AP1S2: variants seen among roughly 807,000 people sequenced by gnomAD.
The protein encoded by AP1S2 is AP-1 complex subunit sigma-2.
AP1S2 carries 1 observed loss-of-function variant against 14.3 expected under a neutral mutation model. The ratio of observed to expected loss-of-function variants is 0.07; its 90% confidence interval spans 0.02 to 0.33. The LOEUF (loss-of-function observed/expected upper bound fraction) is 0.33, where lower values mean the gene tolerates loss of function less well. Ranked by LOEUF, AP1S2 falls within the 10% of genes least tolerant of loss-of-function variation. The pLI is 0.99. For synonymous variants in AP1S2, 30 were observed against 40.5 expected (o/e 0.74, Z 0.99); for missense variants, 30 against 117.7 (o/e 0.25, Z 3.45).
At chrX:15,833,184 T>C in intron 4 of AP1S2, 1 of 754,224 alleles carries the variant, frequency 1.3e-6, no homozygotes, top group Non-Finnish European at 1.6e-6. Context: ...AAACCAACCA[T>C]CGAGAGCTTA....
intron 4 of AP1S2, among the ~76,000 whole-genome samples, chrX:15,842,026 T>A (rs188221731): frequency 3.9e-4 from 44 of 111,483 alleles, no homozygotes; most frequent in Non-Finnish European, 6.2e-4. Context: ...ACCTCTAACC[T>A]TTCACAGGGT....
At chrX:15,852,655 C>A in intron 1 of AP1S2, 131 bp from the exon 2 acceptor site, 1 of 686,617 alleles carries the variant, frequency 1.5e-6, no homozygotes. Flanking sequence ...ATCAATATTT[C>A]TATGCCAATT....
intron 4 of AP1S2, among the ~76,000 whole-genome samples, chrX:15,836,619 G>A (rs1012142575): frequency 2.7e-5 from 3 of 112,378 alleles, no homozygotes; most frequent in African/African-American, 9.7e-5. Flanking sequence ...AGTGGCTCAC[G>A]CCTGTAATCC....
At chrX:15,852,723 C>T (rs1934215878) in intron 1 of AP1S2, 199 bp from the exon 2 acceptor site, 1 of 354,091 alleles carries the variant, frequency 2.8e-6, no homozygotes, top group Admixed American at 9.1e-5. Context: ...CTTCCAATCC[C>T]ACCTTGTTCC....
At position 15,852,428 on chromosome X, in the gene AP1S2, C is replaced by G; in HGVS notation, c.97G>C (p.Glu33Gln). Residue 33 changes from glutamate (E) to glutamine (Q), a missense_variant, in exon 2 of 6, where the codon GAA becomes CAA. By Grantham distance (29) the Glu-to-Gln change is conservative. Coordinates refer to ENST00000672987, the MANE Select transcript of AP1S2 (RefSeq NM_001272071.2). ...CGTGCTAAAACGGTCTGAACAAGTT[C>G]TCTTGTGATCTTTTTCTTCTCTTTG... The part of the protein sequence containing the change: ...SDKEKKKITR[E>Q]LVQTVLARKP... 8.3e-7 allele frequency: 1 copy of G among 1,210,863 alleles called. No individual in the cohort carries two copies. Among genetic ancestry groups the G allele is most frequent in the Non-Finnish European group, 1.1e-6 (1 of 894,618 alleles).
At chrX:15,853,903 C>G (rs1934249712) in intron 1 of AP1S2, among the ~76,000 whole-genome samples, 1 of 111,060 alleles carries the variant, frequency 9.0e-6, no homozygotes, top group African/African-American at 3.3e-5. Flanking sequence ...TTACTGCAAA[C>G]CCGTTACCAG....
intron 4 of AP1S2, chrX:15,832,646 A>G (rs1933470806): frequency 3.8e-6 from 3 of 779,579 alleles, no homozygotes; most frequent in Non-Finnish European, 3.1e-6. Flanking sequence ...ATTCTTCTGT[A>G]TCAATGGCAT....
intron 4 of AP1S2, chrX:15,832,172 G>A (rs761269210): frequency 1.1e-4 from 78 of 731,043 alleles, no homozygotes; most frequent in Non-Finnish European, 1.2e-4. Flanking sequence ...GTCTACAGAA[G>A]GACTTCTAGG....
chrX:15,830,307 C>G, intron 4 of AP1S2: 4 of 752,970 alleles, frequency 5.3e-6, no homozygotes, highest in Non-Finnish European at 6.3e-6. Flanking sequence ...CAATGTTTCT[C>G]AATGCTTCCA....
At chrX:15,831,698 T>TTTAAGGCTGAATATTTAAC (rs1933442840) in intron 4 of AP1S2, 1 of 761,129 alleles carries the variant, frequency 1.3e-6, no homozygotes, top group African/African-American at 2.3e-5. Flanking sequence ...CATTCTTTGG[T>TTTAAGGCTGAATATTTAAC]TTAAGGCTGA....
chrX:15,845,805 G>T, intron 3 of AP1S2, 98 bp downstream of exon 3: 2 of 782,619 alleles, frequency 2.6e-6, no homozygotes, highest in Middle Eastern at 3.7e-4. Context: ...CCTCTCCCGC[G>T]GTTAGAATCC....
intron 2 of AP1S2, 46 bp downstream of exon 2, chrX:15,852,300 C>T (rs749708694): frequency 8.8e-7 from 1 of 1,134,742 alleles, no homozygotes; most frequent in African/African-American, 1.8e-5. Flanking sequence ...CCTAAATGAC[C>T]TAACATTTGA....
At chrX:15,828,703 T>C (rs1933336625) in intron 4 of AP1S2, among the ~76,000 whole-genome samples, 3 of 110,110 alleles carry the variant, frequency 2.7e-5, no homozygotes, top group Admixed American at 9.8e-5. Context: ...CAGCTAAACA[T>C]TGCCATATGA....
intron 2 of AP1S2, among the ~76,000 whole-genome samples, chrX:15,849,382 G>A (rs1269312214): frequency 3.6e-5 from 4 of 112,473 alleles, no homozygotes; most frequent in African/African-American, 1.3e-4. Flanking sequence ...AAAGCTCTTC[G>A]CTTCCAGCAG....
chrX:15,841,652 A>T (rs992454335), intron 4 of AP1S2, among the ~76,000 whole-genome samples: 5 of 112,044 alleles, frequency 4.5e-5, no homozygotes, highest in Non-Finnish European at 9.4e-5. Flanking sequence ...TTATATCTAC[A>T]TATCCAATAA....
chrX:15,845,046 T>C (rs1933959482), intron 4 of AP1S2: 20 of 747,920 alleles, frequency 2.7e-5, no homozygotes, highest in Admixed American at 8.8e-5. Flanking sequence ...AAGCAATAGA[T>C]GGAGAGTTCT....
intron 1 of AP1S2, chrX:15,852,784 A>T (rs1934217784): frequency 9.2e-6 from 6 of 650,199 alleles, no homozygotes; most frequent in Non-Finnish European, 1.1e-5. Flanking sequence ...AATGGGTAAT[A>T]AGCTGAAGTG....
At chrX:15,845,296 C>A (rs1047386785) in intron 4 of AP1S2, 83 bp downstream of exon 4, 1 of 1,189,887 alleles carries the variant, frequency 8.4e-7, no homozygotes, top group African/African-American at 1.8e-5. Context: ...AGAGTACTTT[C>A]TGAAACTGTA....
intron 4 of AP1S2, among the ~76,000 whole-genome samples, chrX:15,843,123 A>C (rs747711716): frequency 5.3e-5 from 6 of 112,155 alleles, no homozygotes; most frequent in African/African-American, 1.6e-4. Flanking sequence ...ACATATGTAC[A>C]TATACACACA....
Sources: allele counts gnomAD v4.1 joint callset (sites outside exome capture counted in the v4.1 genomes callset), GRCh38; gene constraint gnomAD v4.1.1; transcripts MANE v1.5; gene names NCBI Gene and HGNC (gene_info 2026-07-23, HGNC 2026-07-21).